Variants in CFDP1 observed in about 807,000 individuals in gnomAD.
CFDP1 encodes heterochromatin-stabilizing protein CFDP1.
Under a neutral mutation model 40.1 loss-of-function variants are expected in CFDP1, and 31 were observed. The ratio of observed to expected loss-of-function variants is 0.77; its 90% CI spans 0.58 to 1.04. The LOEUF is 1.04. Among genes scored for constraint, CFDP1 ranks in the 50% least tolerant of loss-of-function variants. CFDP1 has a pLI of 0.00. For missense variants in CFDP1, 423 were observed against 343.4 expected (o/e 1.23, Z -1.83); for synonymous variants, 167 against 120.0 (o/e 1.39, Z -2.56).
At chr16:75,387,730 C>A (rs1450854556) in intron 5 of CFDP1, among the ~76,000 whole-genome samples, 1 of 152,176 alleles carries the variant, frequency 6.6e-6, no homozygotes, top group African/African-American at 2.4e-5. Flanking sequence ...CCTCTGGAAA[C>A]AGTAATAGCC....
chr16:75,321,590 T>C (rs1380047398), intron 5 of CFDP1, among the ~76,000 whole-genome samples: 1 of 152,208 alleles, frequency 6.6e-6, no homozygotes, highest in African/African-American at 2.4e-5. Context: ...CCTGAAGCCA[T>C]GTTTTTCAGT....
chr16:75,432,199 C>T (rs1464788151), intron 1 of CFDP1, among the ~76,000 whole-genome samples: 1 of 149,806 alleles, frequency 6.7e-6, no homozygotes, highest in African/African-American at 2.4e-5. Context: ...CATGAGCCAC[C>T]GCGCCAGGAA....
chr16:75,330,662 C>T (rs1379574416), intron 5 of CFDP1, among the ~76,000 whole-genome samples: 1 of 152,156 alleles, frequency 6.6e-6, no homozygotes, highest in Non-Finnish European at 1.5e-5. Context: ...AGAGGTCTTT[C>T]TTCTACAGCT....
intron 5 of CFDP1, 156 bp downstream of exon 5, chr16:75,394,934 G>T (rs1257079878): frequency 5.3e-6 from 5 of 940,488 alleles, no homozygotes; most frequent in Non-Finnish European, 7.6e-6. Flanking sequence ...ATTTTCCTTT[G>T]CATCTTCCAT....
chr16:75,337,590 GA>G (rs2078498348), intron 5 of CFDP1, among the ~76,000 whole-genome samples: 1 of 152,190 alleles, frequency 6.6e-6, no homozygotes, highest in Non-Finnish European at 1.5e-5. Flanking sequence ...AGGTTGTACA[GA>G]AAGCATGGCT....
intron 5 of CFDP1, among the ~76,000 whole-genome samples, chr16:75,366,682 G>A (rs1392449209): frequency 2.0e-5 from 3 of 152,160 alleles, no homozygotes; most frequent in African/African-American, 7.2e-5. Context: ...GAAAGACTAT[G>A]TAGTGAAATT....
intron 5 of CFDP1, chr16:75,372,079 C>T (rs1440148689): frequency 2.0e-5 from 3 of 152,146 alleles, no homozygotes; most frequent in Non-Finnish European, 2.9e-5. Context: ...CTATTATTTG[C>T]ACCAGGCAAT....
At chr16:75,302,975 A>C (rs944374506) in intron 6 of CFDP1, among the ~76,000 whole-genome samples, 2 of 152,102 alleles carry the variant, frequency 1.3e-5, no homozygotes, top group African/African-American at 4.8e-5. Context: ...GCGGGTGGGC[A>C]GATCACCCGA....
intron 5 of CFDP1, among the ~76,000 whole-genome samples, chr16:75,378,381 C>T (rs533706249): frequency 1.8e-4 from 27 of 152,012 alleles, no homozygotes; most frequent in African/African-American, 6.0e-4. Context: ...CAGCTACTTG[C>T]TGAACACAAG....
intron 5 of CFDP1, among the ~76,000 whole-genome samples, chr16:75,316,999 T>TAA (rs2034126971): frequency 6.6e-6 from 1 of 151,590 alleles, no homozygotes; most frequent in African/African-American, 2.4e-5. Context: ...AGATAATAAA[T>TAA]AAATAAATAA....
intron 5 of CFDP1, among the ~76,000 whole-genome samples, chr16:75,384,854 AT>A (rs1555561757): frequency 0.018 from 2,278 of 124,632 alleles, 190 homozygotes; most frequent in Middle Eastern, 0.025. Flanking sequence ...AACTAAAACT[AT>A]ATATATATAT....
intron 4 of CFDP1, among the ~76,000 whole-genome samples, chr16:75,396,719 C>A: frequency 9.0e-6 from 1 of 111,336 alleles, no homozygotes; most frequent in Non-Finnish European, 2.1e-5. Context: ...AAAACTGAGT[C>A]CTAAAGGCTC....
At chr16:75,341,602 C>A (rs560805048) in intron 5 of CFDP1, among the ~76,000 whole-genome samples, 30 of 151,788 alleles carry the variant, frequency 2.0e-4, no homozygotes, top group African/African-American at 7.0e-4. Context: ...TCTGGCATTG[C>A]TCTGGCAATT....
At chr16:75,294,351 C>T (rs1467216103) in intron 6 of CFDP1, among the ~76,000 whole-genome samples, 1 of 152,196 alleles carries the variant, frequency 6.6e-6, no homozygotes, top group Non-Finnish European at 1.5e-5. Flanking sequence ...GGGTTCAAGT[C>T]CTAGCTCTAG....
intron 1 of CFDP1, among the ~76,000 whole-genome samples, chr16:75,423,741 C>G (rs1469549828): frequency 1.3e-5 from 2 of 152,188 alleles, no homozygotes; most frequent in African/African-American, 4.8e-5. Flanking sequence ...GTCTCGATCT[C>G]CTGACCTTGA....
chr16:75,387,018 C>A (rs978462162), intron 5 of CFDP1, among the ~76,000 whole-genome samples: 1 of 152,164 alleles, frequency 6.6e-6, no homozygotes, highest in African/African-American at 2.4e-5. Flanking sequence ...TCTGTACCTG[C>A]AATACCTATA....
At chr16:75,363,629 C>T (rs1265303594) in intron 5 of CFDP1, among the ~76,000 whole-genome samples, 1 of 152,068 alleles carries the variant, frequency 6.6e-6, no homozygotes, top group Non-Finnish European at 1.5e-5. Flanking sequence ...CACCTGACCT[C>T]AAATGAGCCA....
chr16:75,426,029 C>G (rs568808840), intron 1 of CFDP1, among the ~76,000 whole-genome samples: 1 of 80,652 alleles, frequency 1.2e-5, no homozygotes, highest in African/African-American at 5.1e-5. Flanking sequence ...GAGCAACACT[C>G]TGTCTCAAAA....
At chr16:75,326,514 T>G (rs1224975634) in intron 5 of CFDP1, among the ~76,000 whole-genome samples, 1 of 152,184 alleles carries the variant, frequency 6.6e-6, no homozygotes, top group Non-Finnish European at 1.5e-5. Context: ...CATCCTGCCA[T>G]GGCAAGGTAA....
Sources: gnomAD v4.1 joint callset for allele counts (sites outside exome capture counted in the v4.1 genomes callset) on GRCh38, gnomAD v4.1.1 for gene constraint, MANE v1.5 for transcripts, NCBI Gene and HGNC (gene_info 2026-07-23, HGNC 2026-07-21) for gene names.